NKAIN3: variants seen among roughly 807,000 people sequenced by gnomAD.
NKAIN3 encodes the protein sodium/potassium-transporting ATPase subunit beta-1-interacting protein 3.
Under a neutral mutation model 30.2 loss-of-function variants are expected in NKAIN3, and 25 were observed. The ratio of observed to expected loss-of-function variants is 0.83; its 90% CI spans 0.60 to 1.16. The LOEUF (loss-of-function observed/expected upper bound fraction) is 1.16, where lower values mean the gene tolerates loss of function less well. Among genes scored for constraint, NKAIN3 ranks in the 50% most tolerant of loss-of-function variants. The probability of loss-of-function intolerance (pLI) is 0.00; values close to 1 mark genes in which losing one functional copy is unlikely to be tolerated. For missense variants in NKAIN3, 225 were observed against 254.1 expected (o/e 0.89, Z 0.78); for synonymous variants, 91 against 89.6 (o/e 1.02, Z -0.09).
chr8:62,479,492 C>T (rs1360133052), intron 1 of NKAIN3, among the ~76,000 whole-genome samples: 1 of 152,164 alleles, frequency 6.6e-6, no homozygotes, highest in Admixed American at 6.5e-5. Flanking sequence ...TTTGTATTGT[C>T]ATGGCTAAGA....
chr8:62,548,898 A>G (rs1041607999), intron 1 of NKAIN3, among the ~76,000 whole-genome samples: 2 of 130,018 alleles, frequency 1.5e-5, no homozygotes, highest in Non-Finnish European at 3.3e-5. Flanking sequence ...TCTTTATAAA[A>G]TTATTCCTTT....
chr8:62,964,780 T>C (rs1823658617), intron 6 of NKAIN3, among the ~76,000 whole-genome samples: 1 of 151,618 alleles, frequency 6.6e-6, no homozygotes, highest in Non-Finnish European at 1.5e-5. Context: ...TCTACTGATT[T>C]ACGTGTTAAT....
At chr8:62,822,434 T>G (rs1015560986) in intron 4 of NKAIN3, among the ~76,000 whole-genome samples, 2 of 152,172 alleles carry the variant, frequency 1.3e-5, no homozygotes, top group Non-Finnish European at 2.9e-5. Context: ...CGCATGTACA[T>G]AACATACATG....
chr8:62,265,891 G>A (rs1812585553), intron 1 of NKAIN3, among the ~76,000 whole-genome samples: 1 of 152,128 alleles, frequency 6.6e-6, no homozygotes, highest in African/African-American at 2.4e-5. Context: ...GCCTCAATAT[G>A]GTGTGATTCC....
chr8:62,975,669 C>A lies in NKAIN3; in HGVS notation c.*10262C>A, dbSNP rs1294266001. Among the ~76,000 whole-genome samples the A allele has an allele frequency of 6.6e-6, 1 of 152,124 alleles. No homozygotes were observed. Among genetic ancestry groups the A allele is most frequent in the African/African-American group, 2.4e-5 (1 of 41,418 alleles). ...TTTTCGTATCTCTTTCAGTTCTGTT[C>A]TGATCTTAGTTATTTCTTGTCTTCT... On this transcript the variant is annotated 3_prime_UTR_variant, in exon 7 of 7. Transcript: ENST00000623646.
intron 1 of NKAIN3, among the ~76,000 whole-genome samples, chr8:62,506,893 G>A (rs1460484641): frequency 6.6e-6 from 1 of 152,080 alleles, no homozygotes; most frequent in Non-Finnish European, 1.5e-5. Flanking sequence ...TCTTTCTAAT[G>A]TTATGCATTT....
intron 4 of NKAIN3, among the ~76,000 whole-genome samples, chr8:62,851,538 T>G (rs1418734590): frequency 6.6e-6 from 1 of 152,182 alleles, no homozygotes; most frequent in Non-Finnish European, 1.5e-5. Flanking sequence ...TTGTGCCGGT[T>G]TTCAAAGGGA....
intron 3 of NKAIN3, 128 bp from the exon 4 acceptor site, chr8:62,746,804 T>C (rs1228494348): frequency 4.7e-6 from 3 of 635,384 alleles, no homozygotes; most frequent in Admixed American, 5.5e-5. Flanking sequence ...TTGTCTTTTG[T>C]TACTTTTCAC....
intron 4 of NKAIN3, among the ~76,000 whole-genome samples, chr8:62,774,448 T>C (rs890963393): frequency 6.6e-6 from 1 of 152,188 alleles, no homozygotes; most frequent in Non-Finnish European, 1.5e-5. Flanking sequence ...CTATGTTGAA[T>C]TACAGTGGTG....
chr8:62,404,909 G>A (rs989499591), intron 1 of NKAIN3, among the ~76,000 whole-genome samples: 1 of 152,108 alleles, frequency 6.6e-6, no homozygotes, highest in Non-Finnish European at 1.5e-5. Context: ...ATGGCCCATG[G>A]TGAGCACTGC....
At chr8:62,599,428 A>G (rs1810926596) in intron 3 of NKAIN3, among the ~76,000 whole-genome samples, 1 of 152,082 alleles carries the variant, frequency 6.6e-6, no homozygotes, top group East Asian at 1.9e-4. Context: ...AGCCACAACA[A>G]TAATCGCACT....
intron 1 of NKAIN3, among the ~76,000 whole-genome samples, chr8:62,335,672 A>G (rs578214830): frequency 1.3e-5 from 2 of 151,972 alleles, no homozygotes; most frequent in African/African-American, 4.8e-5. Flanking sequence ...AATGGGAAAC[A>G]TGTTCCACAG....
chr8:62,701,655 C>T (rs1398710298), intron 3 of NKAIN3, among the ~76,000 whole-genome samples: 1 of 152,162 alleles, frequency 6.6e-6, no homozygotes, highest in Non-Finnish European at 1.5e-5. Context: ...GTGACGTATA[C>T]AATTACCTCA....
chr8:62,856,018 A>G, intron 4 of NKAIN3: 1 of 684,974 alleles, frequency 1.5e-6, no homozygotes, highest in South Asian at 1.6e-5. Flanking sequence ...ATGAACAGGG[A>G]GGGCCTCAGA....
At chr8:62,792,587 G>A (rs1195470529) in intron 4 of NKAIN3, among the ~76,000 whole-genome samples, 3 of 8,776 alleles carry the variant, frequency 3.4e-4, no homozygotes, top group Non-Finnish European at 6.9e-4. Context: ...AGCCCTGTAG[G>A]TAAGACAGAC....
At chr8:62,893,713 T>A (rs1173916037) in intron 4 of NKAIN3, among the ~76,000 whole-genome samples, 1 of 152,138 alleles carries the variant, frequency 6.6e-6, no homozygotes. Context: ...CACACAAGGA[T>A]ATATATAACT....
chr8:62,268,207 A>T (rs967082951), intron 1 of NKAIN3, among the ~76,000 whole-genome samples: 1 of 152,176 alleles, frequency 6.6e-6, no homozygotes, highest in South Asian at 2.1e-4. Flanking sequence ...TACAAGCCTC[A>T]TGCTTCCACA....
At chr8:62,413,984 T>A (rs971881270) in intron 1 of NKAIN3, among the ~76,000 whole-genome samples, 6 of 152,172 alleles carry the variant, frequency 3.9e-5, no homozygotes, top group African/African-American at 1.4e-4. Context: ...AGATAATAAA[T>A]TACTGATTAG....
intron 1 of NKAIN3, among the ~76,000 whole-genome samples, chr8:62,318,185 A>C (rs929379619): frequency 1.3e-5 from 2 of 152,160 alleles, no homozygotes; most frequent in Non-Finnish European, 2.9e-5. Context: ...TGGGCTGAGA[A>C]GATGGGGTTT....
Sources: allele counts gnomAD v4.1 joint callset (sites outside exome capture counted in the v4.1 genomes callset), GRCh38; gene constraint gnomAD v4.1.1; transcripts MANE v1.5; gene names NCBI Gene and HGNC (gene_info 2026-07-23, HGNC 2026-07-21).